The following AVEN variants were observed in gnomAD, a reference collection of about 807,000 sequenced individuals.
AVEN encodes apoptosis and caspase activation inhibitor.
AVEN carries 41 observed loss-of-function variants against 38.1 expected under a neutral mutation model. The ratio of observed to expected loss-of-function variants is 1.08; its 90% CI spans 0.84 to 1.40. The LOEUF (loss-of-function observed/expected upper bound fraction) is 1.40. Ranked by LOEUF, AVEN falls within the 40% of genes most tolerant of loss-of-function variation. The pLI is 0.00. For missense variants in AVEN, 605 were observed against 438.8 expected, an observed-to-expected ratio of 1.38 and a Z score of -3.38; for synonymous variants, 206 against 171.8, an observed-to-expected ratio of 1.20 and a Z score of -1.56.
chr15:33,983,416 T>C (rs755895146), intron 2 of AVEN, among the ~76,000 whole-genome samples: 11 of 151,902 alleles, frequency 7.2e-5, no homozygotes, highest in Non-Finnish European at 1.6e-4. Context: ...TTCAAAGAAA[T>C]TGACAGAAGG....
At chr15:33,907,938 A>T (rs1892769932) in intron 2 of AVEN, among the ~76,000 whole-genome samples, 1 of 152,234 alleles carries the variant, frequency 6.6e-6, no homozygotes, top group African/African-American at 2.4e-5. Context: ...ATCTAACTAC[A>T]TAAAAATGTA....
downstream of AVEN, chr15:33,864,206 CAT>C (rs763263187): frequency 1.9e-6 from 3 of 1,595,652 alleles, no homozygotes; most frequent in Middle Eastern, 1.7e-4. Flanking sequence ...AATTAAGAAT[CAT>C]ATACCCGTGT....
At chr15:34,013,925 T>G (rs1897749427) in intron 1 of AVEN, among the ~76,000 whole-genome samples, 1 of 152,224 alleles carries the variant, frequency 6.6e-6, no homozygotes, top group African/African-American at 2.4e-5. Context: ...ATCTTCCGCC[T>G]GCTGACTCTT....
At chr15:33,854,552 T>C, downstream of AVEN, 1 of 1,116,518 alleles carries the variant, frequency 9.0e-7, no homozygotes, top group African/African-American at 1.6e-5. Flanking sequence ...GGATTGCTTA[T>C]CAAAGACCAA....
intron 2 of AVEN, among the ~76,000 whole-genome samples, chr15:33,889,508 G>C (rs543241635): frequency 1.2e-4 from 19 of 152,110 alleles, no homozygotes; most frequent in Non-Finnish European, 2.5e-4. Context: ...ACACCTGTCT[G>C]ACACTACAAT....
rs71119906 is a variant in AVEN, at chr15:33,968,099, T to TAAAAAAAAAAAAAAAAA, written c.445+34916_445+34932dup. ...TCTGTGAATAATGCCTAGCAAAGCT[T>TAAAAAAAAAAAAAAAAA]AAAAAAAAAAAAAAAAAAAAAAAAA... is the stretch of plus-strand genomic sequence containing the variant. On this transcript the variant is annotated intron_variant, in intron 2 of 5. Transcript: ENST00000306730. Among the ~76,000 whole-genome samples, 6 of 25,852 alleles carry TAAAAAAAAAAAAAAAAA rather than the reference T, an allele frequency of 2.3e-4. 1 individual carries two copies. Among genetic ancestry groups the TAAAAAAAAAAAAAAAAA allele is most frequent in the African/African-American group, 4.2e-4 (4 of 9,504 alleles). The allele number at this position is 25,852 out of a possible 152,430, so 17.0% of individuals were successfully genotyped here. A position where few individuals can be genotyped will look rare whatever the true frequency, so the allele number is the denominator to read the frequency against.
intron 2 of AVEN, among the ~76,000 whole-genome samples, chr15:33,882,302 TA>T (rs1261208087): frequency 6.6e-6 from 1 of 152,148 alleles, no homozygotes; most frequent in African/African-American, 2.4e-5. Context: ...GGAATCTGTT[TA>T]AAAGGGGGAA....
At chr15:34,018,702 T>C (rs1597357410) in intron 1 of AVEN, among the ~76,000 whole-genome samples, 1 of 152,206 alleles carries the variant, frequency 6.6e-6, no homozygotes. Flanking sequence ...CTGGCTGGGG[T>C]GACCAGCTTT....
At position 33,956,474 on chromosome 15, in the gene AVEN, C is replaced by T. The variant is rs114478663; in HGVS notation, c.445+46558G>A. On this transcript the variant is annotated intron_variant, in intron 2 of 5. Coordinates refer to ENST00000306730, the MANE Select transcript of AVEN (RefSeq NM_020371.3). Reference sequence around the variant, plus strand: ...TTTTCACATGTTTAAGAGCCATTTGCATTTCATTTTCTGTGAACAGTCTGC... The same window carrying T: ...TTTTCACATGTTTAAGAGCCATTTGTATTTCATTTTCTGTGAACAGTCTGC... Among the ~76,000 whole-genome samples, 572 of 152,302 alleles carry T rather than the reference C, an allele frequency of 3.8e-3. 1 individual carries two copies. The highest frequency in any genetic ancestry group is 0.014 in the Middle Eastern group (4 of 294).
chr15:33,993,647 A>C (rs1896817741), intron 2 of AVEN, among the ~76,000 whole-genome samples: 1 of 152,212 alleles, frequency 6.6e-6, no homozygotes, highest in Non-Finnish European at 1.5e-5. Context: ...TTATAGAATA[A>C]TTATTAAACC....
downstream of AVEN, chr15:33,855,881 C>T (rs1597061160): frequency 6.6e-6 from 1 of 152,298 alleles, no homozygotes; most frequent in East Asian, 1.9e-4. Context: ...TCCTTGTATA[C>T]AGATTCAAAC....
chr15:33,993,725 T>G (rs530113765), intron 2 of AVEN, among the ~76,000 whole-genome samples: 16 of 152,284 alleles, frequency 1.1e-4, no homozygotes, highest in African/African-American at 3.8e-4. Flanking sequence ...TACCGGGCCC[T>G]CCTCAATCAT....
chr15:33,919,281 G>T (rs1893294584), intron 2 of AVEN, among the ~76,000 whole-genome samples: 1 of 151,956 alleles, frequency 6.6e-6, no homozygotes, highest in South Asian at 2.1e-4. Context: ...ATAAATCCCA[G>T]AATTTATTTT....
At position 34,003,122 on chromosome 15, in the gene AVEN, C is replaced by A. The variant is rs1239444572; in HGVS notation, c.355G>T (p.Asp119Tyr). 2 of 1,613,646 alleles carry A rather than the reference C, an allele frequency of 1.2e-6. No homozygotes were observed. The highest frequency in any genetic ancestry group is 1.3e-5 in the African/African-American group (1 of 74,894). The change falls in exon 2 of 6, where the codon GAT becomes TAT. Residue 119 changes from aspartate to tyrosine, a missense_variant. By Grantham distance (160) the Asp-to-Tyr change is radical (BLOSUM62 -3). Coordinates refer to ENST00000306730, the MANE Select transcript of AVEN (RefSeq NM_020371.3). ...TCTTTTTCAATATCTTGATATCGAT[C>A]CCAGTTAGAGACAATCTTTCTTTTA... ...YSKRKIVSNW[D>Y]RYQDIEKEVN...
rs181043333 is a variant in AVEN at position 33,958,434 on chromosome 15, C to A, written c.445+44598G>T. Among the ~76,000 whole-genome samples the A allele has an allele frequency of 5.5e-3, 840 of 151,706 alleles. 5 individuals are homozygous for A. Among genetic ancestry groups the A allele is most frequent in the African/African-American group, 0.019 (783 of 41,356 alleles). ...ATCTCTACTAAAAATACAACAACAACAAAAAAATCAGCCAGGCATGGTAGC... is the reference window on the plus strand; with the variant it reads ...ATCTCTACTAAAAATACAACAACAAAAAAAAAATCAGCCAGGCATGGTAGC... On this transcript the variant is annotated intron_variant, in intron 2 of 5. Coordinates refer to ENST00000306730, the MANE Select transcript of AVEN (RefSeq NM_020371.3).
At chr15:33,950,008 A>C (rs1220589256) in intron 2 of AVEN, among the ~76,000 whole-genome samples, 1 of 152,218 alleles carries the variant, frequency 6.6e-6, no homozygotes, top group Non-Finnish European at 1.5e-5. Context: ...TGATATATAT[A>C]TACCATGGAA....
downstream of AVEN, among the ~76,000 whole-genome samples, chr15:33,864,456 TAAG>T (rs1470994598): frequency 6.6e-6 from 1 of 151,898 alleles, no homozygotes; most frequent in Non-Finnish European, 1.5e-5. Context: ...CAATATGAAA[TAAG>T]AAATTGTCTG....
chr15:33,901,681 T>C (rs112679334), intron 2 of AVEN, among the ~76,000 whole-genome samples: 180 of 152,324 alleles, frequency 1.2e-3, no homozygotes, highest in Non-Finnish European at 1.9e-3. Context: ...CATTTACATC[T>C]TGACTTTTTT....
chr15:33,968,621 A>C (rs1019597442), intron 2 of AVEN: 1 of 152,144 alleles, frequency 6.6e-6, no homozygotes, highest in African/African-American at 2.4e-5. Context: ...AGGAGGACAG[A>C]AGAAATGCCT....
Sources: gnomAD v4.1 joint callset for allele counts (sites outside exome capture counted in the v4.1 genomes callset) on GRCh38, gnomAD v4.1.1 for gene constraint, MANE v1.5 for transcripts, NCBI Gene and HGNC (gene_info 2026-07-23, HGNC 2026-07-21) for gene names.